Variants in IQCK observed in about 807,000 individuals in gnomAD.
IQCK encodes IQ motif containing K.
Under a neutral mutation model 28.1 loss-of-function variants are expected in IQCK, and 29 were observed. The ratio of observed to expected loss-of-function variants is 1.03; its 90% confidence interval spans 0.77 to 1.41. The LOEUF (loss-of-function observed/expected upper bound fraction) is 1.41. IQCK is among the 40% of genes most tolerant of loss of function. The pLI, the probability that IQCK is intolerant of heterozygous loss-of-function variation, is 0.00. For synonymous variants in IQCK, 113 were observed against 115.1 expected, an observed-to-expected ratio of 0.98 and a Z score of 0.12; for missense variants, 359 against 314.7, an observed-to-expected ratio of 1.14 and a Z score of -1.07.
chr16:19,824,080 G>T (rs573091022), intron 7 of IQCK, among the ~76,000 whole-genome samples: 21 of 152,242 alleles, frequency 1.4e-4, no homozygotes, highest in African/African-American at 4.3e-4. Context: ...GATGATACAA[G>T]CACGTTACAT....
At chr16:19,858,326 G>A in exon 10 of IQCK, 1 of 442,460 alleles carries the variant, frequency 2.3e-6, no homozygotes, top group Non-Finnish European at 4.0e-6. Flanking sequence ...TTTAAAAGGG[G>A]GGAAAAAGGT....
Position 19,762,766 on chromosome 16 carries a change from G to A in IQCK, c.475-1082G>A, listed in dbSNP as rs559465120. Among the ~76,000 whole-genome samples the A allele has an allele frequency of 2.6e-5, 4 of 152,278 alleles. No individual in the cohort carries two copies. In the South Asian group the frequency reaches 8.3e-4, roughly 32 times the overall value. On this transcript the variant is annotated intron_variant, in intron 4 of 7. Transcript: ENST00000564186. ...ACAGTGGCTCACACCTGTAATCCCA[G>A]CACTTTGGGAGGCCAAGGCAGGGCA... is the stretch of plus-strand genomic sequence containing the variant.
intron 1 of IQCK, among the ~76,000 whole-genome samples, chr16:19,729,936 G>T (rs934020904): frequency 6.6e-6 from 1 of 151,324 alleles, no homozygotes; most frequent in East Asian, 2.0e-4. Flanking sequence ...GAGCCACCAC[G>T]CCCGGCCTAT....
chr16:19,777,756 AG>A (rs1165984039), intron 6 of IQCK, among the ~76,000 whole-genome samples: 1 of 152,146 alleles, frequency 6.6e-6, no homozygotes, highest in East Asian at 1.9e-4. Flanking sequence ...TGGCTGTTTA[AG>A]AACCAGTTCA....
intron 9 of IQCK, among the ~76,000 whole-genome samples, chr16:19,849,555 A>C (rs2056454868): frequency 6.6e-6 from 1 of 152,022 alleles, no homozygotes; most frequent in South Asian, 2.1e-4. Flanking sequence ...TAAGCCCAGC[A>C]GTTCGAGACC....
chr16:19,763,718 C>T (rs1044997227), intron 4 of IQCK, 130 bp from the exon 5 acceptor site: 20 of 698,938 alleles, frequency 2.9e-5, no homozygotes, highest in Non-Finnish European at 4.2e-5. Flanking sequence ...GCTGGGATTA[C>T]AGGCGTGAGC....
At chr16:19,764,978 C>T (rs769699250) in intron 6 of IQCK, among the ~76,000 whole-genome samples, 6 of 139,374 alleles carry the variant, frequency 4.3e-5, no homozygotes, top group Non-Finnish European at 7.7e-5. Flanking sequence ...GGATTACAGG[C>T]GTGAGCCACC....
rs549120596 is a variant in IQCK, at chr16:19,856,370, G to A, written c.803-117G>A. On this transcript the variant is annotated intron_variant, in intron 9 of 9. Coordinates refer to the IQCK transcript ENST00000320394. ...GGGGCCGGAACCATGAATAGCAGGC[G>A]CACAGTGGGTTTTGGTGCAACTGAC... 53 of 736,384 alleles carry A rather than the reference G, an allele frequency of 7.2e-5. No homozygotes were observed. In the Middle Eastern group the frequency reaches 9.4e-4, roughly 13 times the overall value. The allele number at this position is 736,384 out of a possible 1,614,324, so 45.6% of individuals were successfully genotyped here.
At chr16:19,768,504 T>C (rs1387382140) in intron 6 of IQCK, among the ~76,000 whole-genome samples, 1 of 152,184 alleles carries the variant, frequency 6.6e-6, no homozygotes, top group Admixed American at 6.5e-5. Flanking sequence ...CTCAGCACTT[T>C]GGGAGGCTGA....
At chr16:19,808,648 C>T (rs2055862223) in intron 7 of IQCK, among the ~76,000 whole-genome samples, 1 of 152,164 alleles carries the variant, frequency 6.6e-6, no homozygotes, top group Non-Finnish European at 1.5e-5. Flanking sequence ...TATTAATTTG[C>T]AGGGCCCAGA....
chr16:19,755,535 C>T (rs959507701), intron 4 of IQCK, among the ~76,000 whole-genome samples: 1 of 152,166 alleles, frequency 6.6e-6, no homozygotes, highest in Non-Finnish European at 1.5e-5. Context: ...TAGGAGAGAA[C>T]AGCAGAGAAA....
intron 7 of IQCK, among the ~76,000 whole-genome samples, chr16:19,790,228 CAA>C (rs10716576): frequency 4.5e-5 from 2 of 44,538 alleles, no homozygotes; most frequent in Non-Finnish European, 3.4e-5. Flanking sequence ...GACCCTGTCT[CAA>C]AAAAAAAAAA....
At chr16:19,741,115 T>C (rs571751993) in intron 4 of IQCK, among the ~76,000 whole-genome samples, 2 of 152,280 alleles carry the variant, frequency 1.3e-5, no homozygotes, top group East Asian at 3.9e-4. Context: ...CAAGAAGACA[T>C]GGTCCTGTCC....
At chr16:19,744,010 G>A (rs888510266) in intron 4 of IQCK, among the ~76,000 whole-genome samples, 1 of 152,134 alleles carries the variant, frequency 6.6e-6, no homozygotes, top group Non-Finnish European at 1.5e-5. Flanking sequence ...AGGTGTAGGT[G>A]TGTCTGCACA....
chr16:19,821,232 TC>T lies in IQCK; in HGVS notation c.691-5793del, dbSNP rs200281968. Among the ~76,000 whole-genome samples, 657 of 152,096 alleles carry T rather than the reference TC, an allele frequency of 4.3e-3. 6 individuals are homozygous for T. The highest frequency in any genetic ancestry group is 0.015 in the African/African-American group (621 of 41,500). ...TGAAATTTAAATGTAAAATTAAAAA[TC>T]AAAAATAACACGTGTTGACAAGAAT... is the stretch of plus-strand genomic sequence containing the variant. On this transcript the variant is annotated intron_variant, in intron 7 of 7. Coordinates refer to ENST00000564186, the Ensembl canonical transcript of IQCK.
chr16:19,805,109 G>A (rs747240751), intron 7 of IQCK, among the ~76,000 whole-genome samples: 8 of 152,000 alleles, frequency 5.3e-5, no homozygotes, highest in Non-Finnish European at 7.4e-5. Flanking sequence ...GCTTTCCTCC[G>A]GGGACAGCCA....
At chr16:19,757,531 G>A (rs1267319342) in intron 4 of IQCK, among the ~76,000 whole-genome samples, 1 of 152,100 alleles carries the variant, frequency 6.6e-6, no homozygotes, top group Non-Finnish European at 1.5e-5. Context: ...AAATTAGCCA[G>A]GCCATGGTAA....
chr16:19,754,416 G>A (rs1468247594), intron 4 of IQCK, among the ~76,000 whole-genome samples: 1 of 152,150 alleles, frequency 6.6e-6, no homozygotes, highest in Non-Finnish European at 1.5e-5. Context: ...CTGGGTAGAG[G>A]CCATAAGACC....
chr16:19,804,116 C>T (rs971937032), intron 7 of IQCK, among the ~76,000 whole-genome samples: 2 of 151,996 alleles, frequency 1.3e-5, no homozygotes, highest in Admixed American at 6.6e-5. Context: ...TTTGGGAAGC[C>T]GAGGCAGGTG....
Sources: allele counts gnomAD v4.1 joint callset (sites outside exome capture counted in the v4.1 genomes callset), GRCh38; gene constraint gnomAD v4.1.1; transcripts MANE v1.5; gene names NCBI Gene and HGNC (gene_info 2026-07-23, HGNC 2026-07-21).